Variants in SESN1 observed in about 807,000 individuals in gnomAD.
The protein encoded by SESN1 is sestrin 1, also known as sestrin-1.
A neutral mutation model predicts 59.3 loss-of-function variants in SESN1; 30 were observed. The ratio of observed to expected loss-of-function variants is 0.51; its 90% CI spans 0.38 to 0.69. The LOEUF (loss-of-function observed/expected upper bound fraction) is 0.69. Among genes scored for constraint, SESN1 ranks in the 30% least tolerant of loss-of-function variants. SESN1 has a pLI of 0.00. For missense variants in SESN1, 566 were observed against 673.0 expected (o/e 0.84, Z 1.76); for synonymous variants, 197 against 219.9 (o/e 0.90, Z 0.92).
chr6:108,992,051 T>G (rs534353752), intron 7 of SESN1, among the ~76,000 whole-genome samples: 91 of 152,320 alleles, frequency 6.0e-4, no homozygotes, highest in Middle Eastern at 6.8e-3. Context: ...TCTAATCTAT[T>G]GCATAATTAT....
intron 1 of SESN1, among the ~76,000 whole-genome samples, chr6:109,064,211 T>C (rs1333933147): frequency 6.6e-6 from 1 of 152,050 alleles, no homozygotes. Flanking sequence ...CTACAGGCCA[T>C]ATGATCATTC....
At chr6:109,059,858 C>T (rs983115151) in intron 1 of SESN1, among the ~76,000 whole-genome samples, 14 of 152,128 alleles carry the variant, frequency 9.2e-5, no homozygotes, top group Non-Finnish European at 1.5e-5. Flanking sequence ...CGAGACTTTT[C>T]TGCAATTTGA....
At chr6:109,064,866 G>T (rs1780796717) in intron 1 of SESN1, among the ~76,000 whole-genome samples, 3 of 151,998 alleles carry the variant, frequency 2.0e-5, no homozygotes, top group Admixed American at 2.0e-4. Flanking sequence ...TGTAACAGAG[G>T]CAAAACAGCA....
chr6:108,989,319 C>T (rs1274480908), intron 8 of SESN1, among the ~76,000 whole-genome samples: 1 of 152,054 alleles, frequency 6.6e-6, no homozygotes, highest in East Asian at 1.9e-4. Flanking sequence ...ATTCTGAAAA[C>T]AGATTTTGAG....
At chr6:109,024,302 C>T (rs1446626768) in intron 1 of SESN1, among the ~76,000 whole-genome samples, 1 of 152,034 alleles carries the variant, frequency 6.6e-6, no homozygotes, top group Non-Finnish European at 1.5e-5. Flanking sequence ...TAGGGACTAC[C>T]ATTAAACTGA....
At chr6:109,048,383 G>C (rs909790496) in intron 1 of SESN1, among the ~76,000 whole-genome samples, 7 of 152,100 alleles carry the variant, frequency 4.6e-5, no homozygotes, top group Non-Finnish European at 8.8e-5. Flanking sequence ...TTGCACCGTG[G>C]GTTTAGTTAA....
At chr6:109,009,448 C>G in intron 1 of SESN1, 1 of 1,339,188 alleles carries the variant, frequency 7.5e-7, no homozygotes, top group Non-Finnish European at 9.6e-7. Context: ...TTCGCGGCGG[C>G]GGCCAAGCGC....
intron 4 of SESN1, chr6:108,999,831 A>G (rs1779576309): frequency 6.6e-6 from 1 of 152,194 alleles, no homozygotes; most frequent in African/African-American, 2.4e-5. Flanking sequence ...AAACCTATAC[A>G]TGAATGTTTA....
chr6:109,092,969 C>T (rs1359033881), intron 1 of SESN1, among the ~76,000 whole-genome samples: 2 of 152,066 alleles, frequency 1.3e-5, no homozygotes, highest in African/African-American at 4.8e-5. Context: ...TCATACAGGA[C>T]TTTGGACAAC....
chr6:108,987,827 C>T, intron 9 of SESN1, among the ~76,000 whole-genome samples, 197 bp from the exon 10 acceptor site: 1 of 83,322 alleles, frequency 1.2e-5, no homozygotes, highest in Non-Finnish European at 2.4e-5. Context: ...TTTTTTGATG[C>T]ACACTTTCAC....
At chr6:109,084,070 T>G (rs66606621) in intron 1 of SESN1, among the ~76,000 whole-genome samples, 31,984 of 152,118 alleles carry the variant, frequency 0.21, 4,935 homozygotes, top group African/African-American at 0.43. Context: ...TACCCATATG[T>G]TTAATTTTTC....
chr6:109,003,789 A>G (rs1779674734), intron 1 of SESN1, among the ~76,000 whole-genome samples: 1 of 152,206 alleles, frequency 6.6e-6, no homozygotes, highest in Non-Finnish European at 1.5e-5. Flanking sequence ...GCAGCCATTT[A>G]TATACAATGA....
chr6:108,990,499 T>C (rs1475471519), intron 8 of SESN1, 146 bp downstream of exon 8: 4 of 727,926 alleles, frequency 5.5e-6, no homozygotes, highest in Admixed American at 2.9e-5. Flanking sequence ...AAGTGGTTCT[T>C]TGAAGCATAA....
Position 109,012,272 on chromosome 6 carries a change from T to C in SESN1, c.280-9929A>G, listed in dbSNP as rs568874464. On this transcript the variant is annotated intron_variant, in intron 1 of 9. Coordinates refer to ENST00000436639, the MANE Select transcript of SESN1 (RefSeq NM_014454.3). ...TTTTTTTTTTTTTTGAGACGGAGTC[T>C]CGCTCTGTCGCCCAGGCTGGAGTGC... Among the ~76,000 whole-genome samples, 356 of 151,716 alleles carry C rather than the reference T, an allele frequency of 2.3e-3. 1 individual carries two copies. The highest frequency in any genetic ancestry group is 8.2e-3 in the African/African-American group (339 of 41,352).
chr6:109,077,227 CATTG>C (rs1223828324), intron 1 of SESN1, among the ~76,000 whole-genome samples: 1 of 152,122 alleles, frequency 6.6e-6, no homozygotes, highest in Non-Finnish European at 1.5e-5. Flanking sequence ...ACTTTTTCCC[CATTG>C]ATTTTGTTTT....
intron 1 of SESN1, among the ~76,000 whole-genome samples, chr6:109,048,067 T>C (rs1780481485): frequency 6.8e-6 from 1 of 148,030 alleles, no homozygotes; most frequent in South Asian, 2.2e-4. Context: ...TCCCCCTCTG[T>C]GAGAAACACC....
At chr6:109,039,789 T>A (rs902087866) in intron 1 of SESN1, among the ~76,000 whole-genome samples, 1 of 152,250 alleles carries the variant, frequency 6.6e-6, no homozygotes. Context: ...AAGAACCTTG[T>A]TGATCTTTCT....
At chr6:109,058,850 T>TA (rs768733089) in intron 1 of SESN1, among the ~76,000 whole-genome samples, 17 of 126,466 alleles carry the variant, frequency 1.3e-4, no homozygotes, top group Admixed American at 3.7e-4. Context: ...TCTTGGCAAA[T>TA]ACAAGAATAG....
At chr6:109,075,065 G>C (rs1781009591) in intron 1 of SESN1, among the ~76,000 whole-genome samples, 1 of 152,192 alleles carries the variant, frequency 6.6e-6, no homozygotes, top group Admixed American at 6.5e-5. Flanking sequence ...AGGCTGGTGT[G>C]AGGCTCCTTT....
Sources: gnomAD v4.1 joint callset for allele counts (sites outside exome capture counted in the v4.1 genomes callset) on GRCh38, gnomAD v4.1.1 for gene constraint, MANE v1.5 for transcripts, NCBI Gene and HGNC (gene_info 2026-07-23, HGNC 2026-07-21) for gene names.